Variants in KIAA1217 observed in about 807,000 individuals in gnomAD.
KIAA1217 encodes KIAA1217, also known as sickle tail protein homolog.
KIAA1217 carries 88 observed loss-of-function variants against 163.9 expected under a neutral mutation model. The observed-to-expected ratio is 0.54, with a 90% CI of 0.45 to 0.64. The LOEUF (loss-of-function observed/expected upper bound fraction) is 0.64. Ranked by LOEUF, KIAA1217 falls within the 30% of genes least tolerant of loss-of-function variation. The pLI is 0.00. For missense variants in KIAA1217, 2,372 were observed against 2,475.0 expected (o/e 0.96, Z 0.88); for synonymous variants, 903 against 923.1 (o/e 0.98, Z 0.39).
intron 2 of KIAA1217, among the ~76,000 whole-genome samples, chr10:24,070,317 G>C (rs1480081435): frequency 6.6e-6 from 1 of 150,928 alleles, no homozygotes; most frequent in African/African-American, 2.4e-5. Context: ...AATATCCAAA[G>C]CCAAGAACTC....
chr10:23,929,208 A>T (rs930787973), intron 1 of KIAA1217, among the ~76,000 whole-genome samples: 2 of 152,218 alleles, frequency 1.3e-5, no homozygotes, highest in Non-Finnish European at 2.9e-5. Context: ...AAAATCTCTC[A>T]TTTATTGTCA....
intron 1 of KIAA1217, among the ~76,000 whole-genome samples, chr10:23,878,032 T>A (rs1341633351): frequency 6.6e-6 from 1 of 151,884 alleles, no homozygotes; most frequent in East Asian, 1.9e-4. Context: ...GTAACACAGA[T>A]GCGTATTGTC....
chr10:24,365,391 CT>C (rs770368589), intron 2 of KIAA1217, among the ~76,000 whole-genome samples: 1 of 139,128 alleles, frequency 7.2e-6, no homozygotes, highest in African/African-American at 2.8e-5. Flanking sequence ...ATTTTCTGTG[CT>C]TTTTTTTTGT....
intron 2 of KIAA1217, among the ~76,000 whole-genome samples, chr10:24,297,433 C>G: frequency 6.6e-6 from 1 of 152,114 alleles, no homozygotes; most frequent in East Asian, 1.9e-4. Flanking sequence ...TTGCTCAGTC[C>G]CCATCTCAAT....
chr10:24,501,146 G>T (rs191313725), intron 8 of KIAA1217, among the ~76,000 whole-genome samples: 1 of 151,948 alleles, frequency 6.6e-6, no homozygotes, highest in Non-Finnish European at 1.5e-5. Flanking sequence ...AGATAGATAG[G>T]AGCATAGGCA....
intron 2 of KIAA1217, among the ~76,000 whole-genome samples, chr10:24,177,017 G>A (rs563476537): frequency 2.3e-4 from 35 of 151,740 alleles, no homozygotes; most frequent in South Asian, 1.9e-3. Flanking sequence ...TGGCTGCTCC[G>A]AGTGCGGGGC....
intron 1 of KIAA1217, among the ~76,000 whole-genome samples, chr10:23,996,498 A>C (rs1343407405): frequency 6.6e-6 from 1 of 152,070 alleles, no homozygotes; most frequent in African/African-American, 2.4e-5. Flanking sequence ...TGTATCCAAC[A>C]CCTGTCACAG....
chr10:24,409,089 A>C (rs1241082457), intron 3 of KIAA1217, among the ~76,000 whole-genome samples: 3 of 152,208 alleles, frequency 2.0e-5, no homozygotes, highest in Non-Finnish European at 4.4e-5. Context: ...TTACATACAC[A>C]GTCTTATTTG....
chr10:23,927,079 TG>T (rs1843051841), intron 1 of KIAA1217, among the ~76,000 whole-genome samples: 2 of 151,794 alleles, frequency 1.3e-5, no homozygotes, highest in African/African-American at 4.8e-5. Context: ...GGCTAATTTT[TG>T]TATTTTTTGT....
At chr10:23,947,289 GA>G (rs1844099078) in intron 1 of KIAA1217, among the ~76,000 whole-genome samples, 1 of 152,168 alleles carries the variant, frequency 6.6e-6, no homozygotes, top group South Asian at 2.1e-4. Context: ...ATGACTAGAA[GA>G]AAAGATGTAG....
intron 1 of KIAA1217, among the ~76,000 whole-genome samples, chr10:23,731,418 C>A (rs183150530): frequency 6.6e-6 from 1 of 152,256 alleles, no homozygotes; most frequent in East Asian, 1.9e-4. Context: ...CCAGAGGACA[C>A]AAATACCTGT....
chr10:23,820,036 C>A (rs1205833557), intron 1 of KIAA1217, among the ~76,000 whole-genome samples: 2 of 152,144 alleles, frequency 1.3e-5, no homozygotes, highest in Non-Finnish European at 2.9e-5. Flanking sequence ...AATATATGTG[C>A]ACAAATACAG....
intron 1 of KIAA1217, among the ~76,000 whole-genome samples, chr10:23,815,129 A>G (rs1472853454): frequency 1.3e-5 from 2 of 152,146 alleles, no homozygotes; most frequent in Non-Finnish European, 1.5e-5. Context: ...TATTATTATT[A>G]TCTTGTTGTG....
chr10:24,483,449 G>A (rs775379050), intron 6 of KIAA1217, among the ~76,000 whole-genome samples: 1 of 152,148 alleles, frequency 6.6e-6, no homozygotes, highest in Non-Finnish European at 1.5e-5. Flanking sequence ...CTCAGGACTC[G>A]CCGTGGCCCC....
intron 1 of KIAA1217, among the ~76,000 whole-genome samples, chr10:23,861,287 A>G (rs149273483): frequency 4.3e-4 from 65 of 152,302 alleles, no homozygotes; most frequent in African/African-American, 1.3e-3. Context: ...ACATCAAGAA[A>G]GGCAGGCTTG....
chr10:23,777,372 T>C (rs1015048241), intron 1 of KIAA1217, among the ~76,000 whole-genome samples: 5 of 152,214 alleles, frequency 3.3e-5, no homozygotes, highest in African/African-American at 4.8e-5. Flanking sequence ...TCTTAGACAA[T>C]GCAAAAGTCA....
rs535964812 is a variant in KIAA1217 at position 24,343,378 on chromosome 10, G to A, written c.355-37491G>A. Among the ~76,000 whole-genome samples, 17 of 124,050 alleles carry A rather than the reference G, an allele frequency of 1.4e-4. No homozygotes were observed. The South Asian group carries it at 4.1e-3, about 30-fold the overall frequency. 81.4% of individuals were successfully genotyped at this position (124,050 alleles called of 152,430 possible). The stretch of plus-strand genomic sequence containing the variant: ...CATTTTTATAATCATTGACGTTAGA[G>A]TATATTTTCCTATATTAGTTAGTCA... On this transcript the variant is annotated intron_variant, in intron 2 of 20. Transcript: ENST00000376454.
Position 23,956,307 on chromosome 10 carries a change from A to ACACATT in KIAA1217, c.-320-50913_-320-50908dup, listed in dbSNP as rs1485913716. ...AAGACCTAGAAAATAAACAGTACAC[A>ACACATT]CACATTCACACACACATACACACAC... is the stretch of plus-strand genomic sequence containing the variant. On this transcript the variant is annotated intron_variant, in intron 1 of 18. Transcript: ENST00000376462. Among the ~76,000 whole-genome samples the ACACATT allele has an allele frequency of 7.2e-5, 11 of 152,280 alleles. No individual in the cohort carries two copies. In the East Asian group the frequency reaches 2.1e-3, roughly 29 times the overall value.
chr10:24,222,581 A>G (rs1013584567), intron 2 of KIAA1217, among the ~76,000 whole-genome samples: 4 of 152,050 alleles, frequency 2.6e-5, no homozygotes, highest in Non-Finnish European at 4.4e-5. Context: ...TGCAACCTCC[A>G]CTCACTTCAA....
Sources: gnomAD v4.1 joint callset for allele counts (sites outside exome capture counted in the v4.1 genomes callset) on GRCh38, gnomAD v4.1.1 for gene constraint, MANE v1.5 for transcripts, NCBI Gene and HGNC (gene_info 2026-07-23, HGNC 2026-07-21) for gene names.